The following NME8 variants were observed in gnomAD, a reference collection of about 807,000 sequenced individuals.
The protein encoded by NME8 is NME/NM23 family member 8.
NME8 carries 72 observed loss-of-function variants against 82.3 expected under a neutral mutation model. The ratio of observed to expected loss-of-function variants is 0.87; its 90% CI spans 0.72 to 1.06. The LOEUF (loss-of-function observed/expected upper bound fraction) is 1.06. NME8 is among the 50% of genes least tolerant of loss of function. The pLI, the probability that NME8 is intolerant of heterozygous loss-of-function variation, is 0.00. For missense variants in NME8, 712 were observed against 685.4 expected (o/e 1.04, Z -0.43); for synonymous variants, 267 against 228.5 (o/e 1.17, Z -1.52).
At chr7:37,867,556 T>G in intron 10 of NME8, 146 bp from the exon 11 acceptor site, 1 of 676,426 alleles carries the variant, frequency 1.5e-6, no homozygotes, top group Non-Finnish European at 2.7e-6. Flanking sequence ...TAAAAATGTA[T>G]TGTTAACAGG....
intron 6 of NME8, among the ~76,000 whole-genome samples, chr7:37,857,716 A>T (rs1784532324): frequency 6.6e-6 from 1 of 152,224 alleles, no homozygotes; most frequent in Non-Finnish European, 1.5e-5. Flanking sequence ...ACAAGAAAGC[A>T]TCTGTATGAT....
In NME8 at chr7:37,863,401, T is replaced by G. The variant is rs539149989; in HGVS notation, c.393T>G (p.Pro131=). 3.2e-6 allele frequency: 5 copies of G among 1,575,828 alleles called. No homozygotes were observed. The East Asian group carries it at 9.0e-5, about 28-fold the overall frequency. Residue 131 remains proline (P), a synonymous_variant, in exon 8 of 18, where the codon CCT becomes CCG. Transcript: ENST00000199447. ...AAGEMARPQY[P]EIPLVDSDSE... ...ATTGCATTTCTTTTTCATAGTATCCTGAAATTCCATTAGTAGACTCAGATT... is the reference window on the plus strand; with the variant it reads ...ATTGCATTTCTTTTTCATAGTATCCGGAAATTCCATTAGTAGACTCAGATT...
chr7:37,877,729 T>C (rs769801583), intron 12 of NME8, among the ~76,000 whole-genome samples: 21 of 152,166 alleles, frequency 1.4e-4, no homozygotes, highest in Non-Finnish European at 2.8e-4. Context: ...GACTGTGTTA[T>C]GTGCATTGTA....
At position 37,848,916 on chromosome 7, in the gene NME8, A is replaced by G. The variant is rs551942725; in HGVS notation, c.-148A>G. The G allele has an allele frequency of 2.6e-5, 4 of 152,350 alleles. No individual in the cohort carries two copies. The highest frequency in any genetic ancestry group is 2.6e-4 in the Admixed American group (4 of 15,302). The allele number at this position is 152,350 out of a possible 1,614,324, so 9.4% of individuals were successfully genotyped here. ...GCTAGCCTCAGCCTCGGGCCCTACC[A>G]GGGTCCTAGGTACTGGAATGGAACT... On this transcript the variant is annotated 5_prime_UTR_variant, in exon 2 of 18. Transcript: ENST00000199447.
chr7:37,898,085 C>T (rs62445990), intron 17 of NME8, among the ~76,000 whole-genome samples: 4,310 of 152,174 alleles, frequency 0.028, 101 homozygotes, highest in East Asian at 0.088. Context: ...TACTGTCTTC[C>T]ACAATGATTG....
intron 14 of NME8, among the ~76,000 whole-genome samples, chr7:37,886,479 G>A (rs567278648): frequency 6.6e-6 from 1 of 152,132 alleles, no homozygotes; most frequent in Admixed American, 6.6e-5. Context: ...GGTTGCTTTA[G>A]GAATAACTCT....
intron 5 of NME8, among the ~76,000 whole-genome samples, chr7:37,857,010 C>A (rs1583626838): frequency 6.6e-6 from 1 of 152,064 alleles, no homozygotes; most frequent in Admixed American, 6.6e-5. Context: ...AAAAGAAGGG[C>A]AGGACCAGGG....
At chr7:37,853,343 G>A (rs1349511262) in intron 5 of NME8, among the ~76,000 whole-genome samples, 2 of 152,168 alleles carry the variant, frequency 1.3e-5, no homozygotes, top group Middle Eastern at 3.4e-3. Flanking sequence ...GTTTCACTCT[G>A]GAGAATCACA....
rs778378224 is a variant in NME8 at position 37,867,735 on chromosome 7, A to T, written c.655A>T (p.Ser219Cys). ...DFEEFVSFMT[S>C]GLSYILVVSQ... ...CGAAGAGTTTGTCTCTTTTATGACA[A>T]GTGGCTTAAGCTATATTCTAGTTGT... Residue 219 changes from serine to cysteine, a missense_variant, in exon 11 of 18, where the codon AGT (serine) becomes TGT (cysteine). Coordinates refer to ENST00000199447, the MANE Select transcript of NME8 (RefSeq NM_016616.5). The T allele has an allele frequency of 6.2e-7, 1 of 1,613,556 alleles. No homozygotes were observed. Among genetic ancestry groups the T allele is most frequent in the Non-Finnish European group, 8.5e-7 (1 of 1,179,570 alleles).
Position 37,863,440 on chromosome 7 carries a change from A to G in NME8, c.432A>G (p.Glu144=). Residue 144 remains glutamate (E), a synonymous_variant, in exon 8 of 18, where the codon GAA becomes GAG. Coordinates refer to ENST00000199447, the MANE Select transcript of NME8 (RefSeq NM_016616.5). ...PLVDSDSEVS[E]ESPCESVQEL... ...TAGACTCAGATTCAGAAGTTAGTGA[A>G]GAATCACCATGTGAAAGTGTTCGTA... 1.2e-6 allele frequency: 2 copies of G among 1,600,954 alleles called. No individual in the cohort carries two copies. Among genetic ancestry groups the G allele is most frequent in the Non-Finnish European group, 1.7e-6 (2 of 1,168,042 alleles).
At chr7:37,870,313 G>A (rs548897631) in intron 11 of NME8, among the ~76,000 whole-genome samples, 79 of 151,826 alleles carry the variant, frequency 5.2e-4, no homozygotes, top group Admixed American at 1.6e-3. Context: ...AATTTGAGCC[G>A]GGTGCGGTGG....
intron 12 of NME8, among the ~76,000 whole-genome samples, chr7:37,878,178 T>C (rs556223729): frequency 6.6e-6 from 1 of 152,286 alleles, no homozygotes; most frequent in South Asian, 2.1e-4. Flanking sequence ...CAGGAAAGGA[T>C]GTTGTGTTTT....
rs1784841358 is a variant in NME8 at position 37,875,976 on chromosome 7, G to A, written c.819-856G>A. On this transcript the variant is annotated intron_variant, in intron 11 of 17. Transcript: ENST00000199447. ...TAATCCCAGCACTTTGGGAGGCCGA[G>A]ACGGGCTGATCACAAGGTCAGGAGA... Among the ~76,000 whole-genome samples the A allele has an allele frequency of 2.0e-5, 3 of 152,240 alleles. No homozygotes were observed. The South Asian group carries it at 6.2e-4, about 32-fold the overall frequency.
At chr7:37,881,643 T>C (rs948681950) in intron 12 of NME8, among the ~76,000 whole-genome samples, 3 of 152,196 alleles carry the variant, frequency 2.0e-5, no homozygotes, top group African/African-American at 7.2e-5. Flanking sequence ...TTGAATATTA[T>C]GGTAAGTCTG....
chr7:37,870,588 CAA>C (rs35884288), intron 11 of NME8, among the ~76,000 whole-genome samples: 5,989 of 97,696 alleles, frequency 0.061, 287 homozygotes, highest in African/African-American at 0.17. Flanking sequence ...GACTCCATCT[CAA>C]AAAAAAAAAA....
chr7:37,883,065 A>G (rs1784988153), intron 12 of NME8, among the ~76,000 whole-genome samples: 1 of 152,180 alleles, frequency 6.6e-6, no homozygotes, highest in African/African-American at 2.4e-5. Flanking sequence ...AAATTAGGGA[A>G]GGCAATCTCC....
chr7:37,890,556 T>C (rs376992155), intron 15 of NME8, among the ~76,000 whole-genome samples: 2 of 152,060 alleles, frequency 1.3e-5, no homozygotes, highest in Admixed American at 6.6e-5. Context: ...CATAGACTTA[T>C]CTCTCCCTAT....
chr7:37,868,572 G>A (rs1784726022), intron 11 of NME8, among the ~76,000 whole-genome samples: 1 of 152,066 alleles, frequency 6.6e-6, no homozygotes, highest in Admixed American at 6.6e-5. Flanking sequence ...CACTGTGACT[G>A]CCCTGAAAGT....
At chr7:37,854,557 G>A (rs559912478) in intron 5 of NME8, among the ~76,000 whole-genome samples, 1 of 152,264 alleles carries the variant, frequency 6.6e-6, no homozygotes, top group Admixed American at 6.5e-5. Flanking sequence ...TTTGGTTTCA[G>A]TGCCCATATC....
Sources: allele counts gnomAD v4.1 joint callset (sites outside exome capture counted in the v4.1 genomes callset), GRCh38; gene constraint gnomAD v4.1.1; transcripts MANE v1.5; gene names NCBI Gene and HGNC (gene_info 2026-07-23, HGNC 2026-07-21).